DIP2C: variants seen among roughly 807,000 people sequenced by gnomAD.
DIP2C encodes DIP2 acetate--CoA ligase C (putative).
A neutral mutation model predicts 192.4 loss-of-function variants in DIP2C; 33 were observed. That is an observed-to-expected ratio of 0.17 (90% CI 0.13 to 0.23). DIP2C has a LOEUF of 0.23. Among genes scored for constraint, DIP2C ranks in the 10% least tolerant of loss-of-function variants. The pLI is 1.00. For synonymous variants in DIP2C, 979 were observed against 864.1 expected (o/e 1.13, Z -2.33); for missense variants, 1,537 against 2,110.1 (o/e 0.73, Z 5.32).
intron 32 of DIP2C, among the ~76,000 whole-genome samples, chr10:295,161 T>C (rs1044105928): frequency 6.6e-6 from 1 of 152,070 alleles, no homozygotes; most frequent in Non-Finnish European, 1.5e-5. Context: ...AAAGAATGGC[T>C]ACTCCACAGG....
chr10:304,753 T>C (rs61219705), intron 32 of DIP2C, among the ~76,000 whole-genome samples: 25,179 of 103,350 alleles, frequency 0.24, 2,560 homozygotes, highest in Middle Eastern at 0.35. Context: ...TACACACACA[T>C]AAAACAGTAC....
At chr10:453,636 GT>G (rs1181497936) in intron 3 of DIP2C, among the ~76,000 whole-genome samples, 1 of 152,236 alleles carries the variant, frequency 6.6e-6, no homozygotes, top group Non-Finnish European at 1.5e-5. Flanking sequence ...GATGATTCTA[GT>G]TTGGGATCCT....
chr10:436,542 C>A (rs969505504), intron 4 of DIP2C, among the ~76,000 whole-genome samples: 2 of 149,946 alleles, frequency 1.3e-5, no homozygotes, highest in Non-Finnish European at 3.0e-5. Context: ...GCTCCACCCA[C>A]ACCTGAGCTC....
At chr10:384,729 G>C in intron 14 of DIP2C, 90 bp from the exon 15 acceptor site, 4 of 1,304,260 alleles carry the variant, frequency 3.1e-6, no homozygotes, top group Non-Finnish European at 4.4e-6. Context: ...TAGGCCGCAC[G>C]GGCAGGGGGG....
chr10:277,675 G>C (rs1198105099), intron 36 of DIP2C, 98 bp from the exon 37 acceptor site: 13 of 1,499,520 alleles, frequency 8.7e-6, no homozygotes, highest in East Asian at 4.8e-5. Flanking sequence ...TGACCTGCCT[G>C]AGCACTGCCC....
chr10:648,150 C>G (rs920955496), intron 1 of DIP2C, among the ~76,000 whole-genome samples: 3 of 151,210 alleles, frequency 2.0e-5, no homozygotes, highest in African/African-American at 4.9e-5. Context: ...ACTGAGTCCA[C>G]GTCCACATTG....
intron 32 of DIP2C, among the ~76,000 whole-genome samples, chr10:289,085 G>A (rs1159209987): frequency 6.6e-6 from 1 of 152,188 alleles, no homozygotes; most frequent in Non-Finnish European, 1.5e-5. Flanking sequence ...GTGCCTAGTG[G>A]ACCATCACAC....
At chr10:590,459 G>T (rs529938324) in intron 1 of DIP2C, among the ~76,000 whole-genome samples, 1 of 152,182 alleles carries the variant, frequency 6.6e-6, no homozygotes, top group Non-Finnish European at 1.5e-5. Flanking sequence ...GCGAACCCAC[G>T]CCGAACCTCA....
At chr10:435,866 CTCTG>C (rs1478057244) in intron 4 of DIP2C, among the ~76,000 whole-genome samples, 1 of 151,800 alleles carries the variant, frequency 6.6e-6, no homozygotes, top group Non-Finnish European at 1.5e-5. Context: ...GATTTAAAAA[CTCTG>C]TCTTTTGCTG....
chr10:625,270 C>T (rs2131854868), intron 1 of DIP2C, among the ~76,000 whole-genome samples: 1 of 152,328 alleles, frequency 6.6e-6, no homozygotes, highest in East Asian at 1.9e-4. Context: ...CCCGTCAGGG[C>T]AACGTGAAGT....
chr10:513,025 C>A (rs1588353805), intron 1 of DIP2C, among the ~76,000 whole-genome samples: 1 of 151,786 alleles, frequency 6.6e-6, no homozygotes, highest in Admixed American at 6.6e-5. Context: ...TGCAGTGGGG[C>A]CCTAAAGTAT....
rs1160992110 is a variant in DIP2C, at chr10:382,781, A to C, written c.1877-20T>G. The C allele has an allele frequency of 6.5e-7, 1 of 1,538,128 alleles. No homozygotes were observed. The highest frequency in any genetic ancestry group is 1.4e-5 in the African/African-American group (1 of 73,186). ...TAGACCCTAGAGTGAAAGAGGGACA[A>C]TGATCAGACAGCTGAAGCACTGTGA... On this transcript the variant is annotated intron_variant, in intron 16 of 36. Coordinates refer to ENST00000280886, the MANE Select transcript of DIP2C (RefSeq NM_014974.3).
At chr10:560,991 T>C (rs1459195816) in intron 1 of DIP2C, among the ~76,000 whole-genome samples, 2 of 152,114 alleles carry the variant, frequency 1.3e-5, no homozygotes. Context: ...CAACCAACTG[T>C]CAATCAGGAA....
chr10:315,283 G>A (rs1010748209), intron 31 of DIP2C, among the ~76,000 whole-genome samples: 1 of 152,190 alleles, frequency 6.6e-6, no homozygotes, highest in African/African-American at 2.4e-5. Flanking sequence ...CATATTGACA[G>A]ATTCTAAAAC....
At chr10:304,726 T>C (rs1956225101) in intron 32 of DIP2C, among the ~76,000 whole-genome samples, 3 of 148,052 alleles carry the variant, frequency 2.0e-5, no homozygotes, top group African/African-American at 7.5e-5. Context: ...TGCACACACG[T>C]ACACATGTAA....
intron 4 of DIP2C, among the ~76,000 whole-genome samples, chr10:440,341 T>TC (rs1301325595): frequency 1.3e-5 from 2 of 152,208 alleles, no homozygotes; most frequent in African/African-American, 4.8e-5. Flanking sequence ...GCTTTCACAC[T>TC]CCAAGGGCAG....
At chr10:568,793 A>AAAAC (rs1849604423) in intron 1 of DIP2C, among the ~76,000 whole-genome samples, 1 of 114,754 alleles carries the variant, frequency 8.7e-6, no homozygotes, top group Non-Finnish European at 1.8e-5. Context: ...AAAAAAAAAA[A>AAAAC]AAAAACCTTC....
At chr10:649,513 C>CT (rs1238410640) in intron 1 of DIP2C, among the ~76,000 whole-genome samples, 1 of 152,224 alleles carries the variant, frequency 6.6e-6, no homozygotes, top group Non-Finnish European at 1.5e-5. Flanking sequence ...AAGGAGAAAA[C>CT]TAAGTGACTG....
intron 1 of DIP2C, among the ~76,000 whole-genome samples, chr10:538,287 G>T (rs976227779): frequency 1.7e-4 from 26 of 152,054 alleles, no homozygotes; most frequent in African/African-American, 5.6e-4. Context: ...CTCCCAAGTA[G>T]CTAGGACTAC....
Sources: allele counts gnomAD v4.1 joint callset (sites outside exome capture counted in the v4.1 genomes callset), GRCh38; gene constraint gnomAD v4.1.1; transcripts MANE v1.5; gene names NCBI Gene and HGNC (gene_info 2026-07-23, HGNC 2026-07-21).